The following SDK1 variants were observed in gnomAD, a reference collection of about 807,000 sequenced individuals.
SDK1 encodes protein sidekick-1.
Under a neutral mutation model 245.5 loss-of-function variants are expected in SDK1, and 157 were observed. The observed-to-expected ratio is 0.64, with a 90% confidence interval of 0.56 to 0.73. SDK1 has a LOEUF of 0.73. Among genes scored for constraint, SDK1 ranks in the 30% least tolerant of loss-of-function variants. The pLI, the probability that SDK1 is intolerant of heterozygous loss-of-function variation, is 0.00. For missense variants in SDK1, 3,583 were observed against 3,002.3 expected (o/e 1.19, Z -4.52); for synonymous variants, 1,647 against 1,278.5 (o/e 1.29, Z -6.15).
intron 17 of SDK1, among the ~76,000 whole-genome samples, chr7:4,019,972 G>T (rs896739836): frequency 6.6e-6 from 1 of 152,150 alleles, no homozygotes; most frequent in Non-Finnish European, 1.5e-5. Context: ...GTGCTCAGTG[G>T]GATGGTAAAT....
At chr7:3,761,260 C>CTTTTTT (rs71029692) in intron 4 of SDK1, among the ~76,000 whole-genome samples, 32 of 93,730 alleles carry the variant, frequency 3.4e-4, no homozygotes, top group East Asian at 6.0e-4. Context: ...GCCCCCCCTC[C>CTTTTTT]TTTTTTTTTT....
At chr7:4,232,392 C>CTTTT (rs1178308855) in intron 40 of SDK1, among the ~76,000 whole-genome samples, 3 of 81,784 alleles carry the variant, frequency 3.7e-5, no homozygotes, top group African/African-American at 9.6e-5. Context: ...TTCTTTTTTT[C>CTTTT]TTTTCTTTTC....
chr7:3,309,707 C>T (rs1338627178), intron 1 of SDK1, among the ~76,000 whole-genome samples: 1 of 152,040 alleles, frequency 6.6e-6, no homozygotes, highest in African/African-American at 2.4e-5. Flanking sequence ...GAAAACATGG[C>T]TGTTACCCTA....
At chr7:3,942,544 A>C (rs1443475114) in intron 5 of SDK1, among the ~76,000 whole-genome samples, 3 of 152,250 alleles carry the variant, frequency 2.0e-5, no homozygotes, top group Non-Finnish European at 4.4e-5. Context: ...CATATTGCTC[A>C]ACATTGAGCT....
chr7:3,633,184 T>G (rs1782350447), intron 2 of SDK1, among the ~76,000 whole-genome samples: 1 of 152,178 alleles, frequency 6.6e-6, no homozygotes, highest in African/African-American at 2.4e-5. Flanking sequence ...CATACCAGCA[T>G]AAAAATTAAA....
chr7:4,246,510 C>T lies in SDK1; in HGVS notation c.6381+705C>T, dbSNP rs564424777. Among the ~76,000 whole-genome samples, 131 of 152,220 alleles carry T rather than the reference C, an allele frequency of 8.6e-4. 1 individual carries two copies. The highest frequency in any genetic ancestry group is 1.6e-3 in the Non-Finnish European group (107 of 68,012). ...TGGCAGCGGGTCTGATCCTGCAGGGCGGATAGAAAATGTGACCCCTTTACC... is the reference window on the plus strand; with the variant it reads ...TGGCAGCGGGTCTGATCCTGCAGGGTGGATAGAAAATGTGACCCCTTTACC... On this transcript the variant is annotated intron_variant, in intron 44 of 44. Coordinates refer to ENST00000404826, the MANE Select transcript of SDK1 (RefSeq NM_152744.4).
intron 5 of SDK1, among the ~76,000 whole-genome samples, chr7:3,837,277 A>T (rs766579005): frequency 6.6e-6 from 1 of 152,120 alleles, no homozygotes; most frequent in Non-Finnish European, 1.5e-5. Flanking sequence ...CTTGTGTTTT[A>T]TTTAGCCCAC....
At chr7:4,082,534 C>CAAAA (rs1300321399) in intron 22 of SDK1, among the ~76,000 whole-genome samples, 3 of 108,750 alleles carry the variant, frequency 2.8e-5, no homozygotes, top group Admixed American at 9.9e-5. Flanking sequence ...GATTCTGTCT[C>CAAAA]AAAAAAAAAA....
chr7:4,244,630 C>G (rs1443600703), intron 43 of SDK1, among the ~76,000 whole-genome samples: 1 of 152,238 alleles, frequency 6.6e-6, no homozygotes, highest in Non-Finnish European at 1.5e-5. Flanking sequence ...CCATTTAGCA[C>G]CACGCGGTCT....
chr7:4,182,404 AG>A (rs1298455751), intron 35 of SDK1, among the ~76,000 whole-genome samples: 4 of 152,182 alleles, frequency 2.6e-5, no homozygotes, highest in Non-Finnish European at 4.4e-5. Flanking sequence ...TCCTTGCCCC[AG>A]GGGTATTGCC....
intron 5 of SDK1, among the ~76,000 whole-genome samples, chr7:3,909,704 A>G (rs1051171736): frequency 2.0e-5 from 3 of 152,176 alleles, no homozygotes; most frequent in African/African-American, 4.8e-5. Flanking sequence ...AAGTAGGAAT[A>G]TTTTTTAATT....
intron 1 of SDK1, among the ~76,000 whole-genome samples, chr7:3,616,333 C>T (rs1053991668): frequency 2.6e-5 from 4 of 152,196 alleles, no homozygotes; most frequent in Non-Finnish European, 4.4e-5. Context: ...AGTCACGCAA[C>T]GATGAGGTGG....
At chr7:4,236,469 A>G (rs1786175895) in intron 41 of SDK1, among the ~76,000 whole-genome samples, 1 of 152,152 alleles carries the variant, frequency 6.6e-6, no homozygotes, top group Admixed American at 6.5e-5. Flanking sequence ...TGGTTTTGCT[A>G]GAGGCAGAAA....
intron 5 of SDK1, among the ~76,000 whole-genome samples, chr7:3,877,845 A>AT (rs1298615499): frequency 6.6e-6 from 1 of 152,222 alleles, no homozygotes; most frequent in East Asian, 1.9e-4. Flanking sequence ...CATGATATGG[A>AT]TTTTCTAAAT....
Position 3,642,106 on chromosome 7 carries a change from G to C in SDK1, c.713+1G>C. 6.2e-7 allele frequency: 1 copy of C among 1,613,704 alleles called. No homozygotes were observed. The highest frequency in any genetic ancestry group is 8.5e-7 in the Non-Finnish European group (1 of 1,179,726). On this transcript the variant is annotated splice_donor_variant, in intron 4 of 44. Transcript: ENST00000404826. LOFTEE classifies it high-confidence loss of function. Reference sequence around the variant, plus strand: ...ACAAGATTATTCCAAGCAACAGAATGTAAGTTGCTCCAAACGTTAAAGCTT... The same window carrying C: ...ACAAGATTATTCCAAGCAACAGAATCTAAGTTGCTCCAAACGTTAAAGCTT...
intron 4 of SDK1, among the ~76,000 whole-genome samples, chr7:3,742,704 A>T (rs530782961): frequency 2.6e-5 from 4 of 152,160 alleles, no homozygotes; most frequent in African/African-American, 9.6e-5. Flanking sequence ...CACCAAATAA[A>T]ATTATATACT....
At chr7:4,034,247 G>A (rs1383468329) in intron 17 of SDK1, among the ~76,000 whole-genome samples, 4 of 152,170 alleles carry the variant, frequency 2.6e-5, no homozygotes, top group Admixed American at 6.5e-5. Context: ...TGAAGAAGAC[G>A]AAAGAGACAT....
intron 1 of SDK1, among the ~76,000 whole-genome samples, chr7:3,508,074 G>A (rs1782451367): frequency 6.6e-6 from 1 of 152,020 alleles, no homozygotes; most frequent in African/African-American, 2.4e-5. Flanking sequence ...CTGTTTCTCT[G>A]ACCAGGCATA....
At chr7:4,043,359 C>A (rs900720323) in intron 17 of SDK1, among the ~76,000 whole-genome samples, 1 of 149,940 alleles carries the variant, frequency 6.7e-6, no homozygotes, top group Non-Finnish European at 1.5e-5. Flanking sequence ...CAGCCAGGGA[C>A]CCAGGCAGAG....
Sources: gnomAD v4.1 joint callset for allele counts (sites outside exome capture counted in the v4.1 genomes callset) on GRCh38, gnomAD v4.1.1 for gene constraint, MANE v1.5 for transcripts, NCBI Gene and HGNC (gene_info 2026-07-23, HGNC 2026-07-21) for gene names.